Variants in IFI16 observed in about 807,000 individuals in gnomAD.
The protein encoded by IFI16 is interferon gamma inducible protein 16, also known as gamma-interferon-inducible protein 16.
A neutral mutation model predicts 68.4 loss-of-function variants in IFI16; 49 were observed. The observed-to-expected ratio is 0.72, with a 90% CI of 0.57 to 0.91. IFI16 has a LOEUF of 0.91. IFI16 is among the 40% of genes least tolerant of loss of function. The probability of loss-of-function intolerance (pLI) is 0.00; values close to 1 mark genes in which losing one functional copy is unlikely to be tolerated. For synonymous variants in IFI16, 307 were observed against 315.0 expected (o/e 0.97, Z 0.27); for missense variants, 878 against 942.9 (o/e 0.93, Z 0.90).
chr1:159,016,129 T>C, intron 3 of IFI16, 142 bp downstream of exon 3: 1 of 632,566 alleles, frequency 1.6e-6, no homozygotes, highest in South Asian at 2.0e-5. Context: ...TGATAATTGA[T>C]CATCTTATTG....
intron 6 of IFI16, among the ~76,000 whole-genome samples, chr1:159,030,341 G>C (rs1407124101): frequency 1.3e-5 from 2 of 152,182 alleles, no homozygotes; most frequent in Non-Finnish European, 2.9e-5. Context: ...TGGTAAGGTA[G>C]TGTGATCTTT....
At position 159,045,565 on chromosome 1, in the gene IFI16, T is replaced by G. The variant is rs539274000; in HGVS notation, c.1497+101T>G. The G allele has an allele frequency of 1.1e-5, 14 of 1,280,878 alleles. No individual in the cohort carries two copies. The East Asian group carries it at 3.3e-4, about 30-fold the overall frequency. The allele number at this position is 1,280,878 out of a possible 1,614,324, so 79.3% of individuals were successfully genotyped here. A position where few individuals can be genotyped will look rare whatever the true frequency, so the allele number is the denominator to read the frequency against. ...CTCACCAATCCCCTACTACATACAA[T>G]GCTTTAATTTAACCAAATCAGTCAT... On this transcript the variant is annotated intron_variant, in intron 8 of 11. Coordinates refer to ENST00000295809, the MANE Select transcript of IFI16 (RefSeq NM_001376587.1).
At chr1:159,002,084 G>A (rs1571814148), upstream of IFI16, among the ~76,000 whole-genome samples, 1 of 152,142 alleles carries the variant, frequency 6.6e-6, no homozygotes, top group East Asian at 1.9e-4. Flanking sequence ...CTATCTCCAG[G>A]TTGTAAATAC....
chr1:159,054,257 A>G (rs1378355175), intron 11 of IFI16, among the ~76,000 whole-genome samples: 1 of 152,224 alleles, frequency 6.6e-6, no homozygotes, highest in Non-Finnish European at 1.5e-5. Context: ...AGCTGGGTCT[A>G]CATAACAAAG....
chr1:159,052,706 T>TA (rs1415453449), intron 10 of IFI16: 2 of 147,238 alleles, frequency 1.4e-5, no homozygotes, highest in South Asian at 4.3e-4. Context: ...GCAAAAAGAC[T>TA]AAAAAAGTCA....
At chr1:159,049,758 C>T (rs950263369) in intron 9 of IFI16, among the ~76,000 whole-genome samples, 159 bp downstream of exon 9, 18 of 152,184 alleles carry the variant, frequency 1.2e-4, no homozygotes, top group Non-Finnish European at 2.2e-4. Context: ...GAGGTCCTAT[C>T]CAAAATTAAA....
At chr1:159,053,295 T>A in intron 10 of IFI16, 1 of 356,396 alleles carries the variant, frequency 2.8e-6, no homozygotes. Flanking sequence ...AGTAATCAAT[T>A]TTTTTTCCTA....
chr1:159,027,068 T>C (rs1311222772), intron 6 of IFI16, among the ~76,000 whole-genome samples: 1 of 152,228 alleles, frequency 6.6e-6, no homozygotes, highest in African/African-American at 2.4e-5. Context: ...CTATGTTGAA[T>C]AGAAGTGGTG....
chr1:159,012,695 A>T (rs1193526482), intron 1 of IFI16, among the ~76,000 whole-genome samples: 1 of 152,172 alleles, frequency 6.6e-6, no homozygotes, highest in Non-Finnish European at 1.5e-5. Context: ...CGGATTGGCT[A>T]CTGCTTTAAA....
intron 6 of IFI16, among the ~76,000 whole-genome samples, chr1:159,025,555 C>T (rs1269218364): frequency 6.6e-6 from 1 of 151,890 alleles, no homozygotes; most frequent in Non-Finnish European, 1.5e-5. Context: ...TGCTTGAGTT[C>T]CTCATAGATT....
intron 5 of IFI16, among the ~76,000 whole-genome samples, chr1:159,019,888 CA>C (rs1653193134): frequency 6.6e-6 from 1 of 152,164 alleles, no homozygotes; most frequent in Non-Finnish European, 1.5e-5. Flanking sequence ...GGAAGAGACT[CA>C]GTAAATGCAG....
intron 7 of IFI16, among the ~76,000 whole-genome samples, chr1:159,037,286 C>T (rs1268841986): frequency 3.3e-5 from 5 of 152,196 alleles, no homozygotes; most frequent in African/African-American, 7.2e-5. Context: ...AGGCACGTGT[C>T]TCCATGGCCG....
In IFI16 at chr1:159,049,368, G is replaced by T. The variant is rs1655199713; in HGVS notation, c.1498-64G>T. The T allele has an allele frequency of 8.9e-6, 7 of 787,790 alleles. No individual in the cohort carries two copies. In the East Asian group the frequency reaches 1.9e-4, roughly 21 times the overall value. 48.8% of individuals were successfully genotyped at this position (787,790 alleles called of 1,614,324 possible). The stretch of plus-strand genomic sequence containing the variant: ...TTTAAAAAAGAAAAAAGGAAAAGAT[G>T]TGTTTCATCTGATCTTGAAAAACAT... On this transcript the variant is annotated intron_variant, in intron 8 of 11. Coordinates refer to ENST00000295809, the MANE Select transcript of IFI16 (RefSeq NM_001376587.1).
At chr1:159,013,080 A>G (rs1487374969) in intron 1 of IFI16, among the ~76,000 whole-genome samples, 2 of 151,170 alleles carry the variant, frequency 1.3e-5, no homozygotes, top group African/African-American at 4.9e-5. Context: ...CAGTTTCACT[A>G]TAATGTGTTT....
At chr1:159,048,339 C>G (rs1031373250) in intron 8 of IFI16, among the ~76,000 whole-genome samples, 3 of 151,438 alleles carry the variant, frequency 2.0e-5, no homozygotes, top group Non-Finnish European at 4.4e-5. Context: ...GCTAGTCCCA[C>G]TTCACATGTG....
At chr1:159,029,073 G>T (rs1226923013) in intron 6 of IFI16, among the ~76,000 whole-genome samples, 1 of 152,076 alleles carries the variant, frequency 6.6e-6, no homozygotes, top group Non-Finnish European at 1.5e-5. Flanking sequence ...CTGTGTTATT[G>T]TTTTATAAGT....
At chr1:159,020,611 T>G in intron 6 of IFI16, 82 bp downstream of exon 6, 1 of 1,008,066 alleles carries the variant, frequency 9.9e-7, no homozygotes, top group Non-Finnish European at 1.5e-6. Flanking sequence ...GTTTGTAGGT[T>G]TTTTTTACAG....
At chr1:159,016,221 G>C (rs1347246292) in intron 3 of IFI16, among the ~76,000 whole-genome samples, 1 of 152,210 alleles carries the variant, frequency 6.6e-6, no homozygotes. Flanking sequence ...CATTCTAGTA[G>C]AGTGGAGTGT....
intron 11 of IFI16, 88 bp from the exon 12 acceptor site, chr1:159,054,733 A>G: frequency 3.0e-6 from 2 of 660,650 alleles, no homozygotes; most frequent in East Asian, 2.7e-5. Context: ...GATATGGTGC[A>G]GGGGGAGGAG....
Sources: gnomAD v4.1 joint callset for allele counts (sites outside exome capture counted in the v4.1 genomes callset) on GRCh38, gnomAD v4.1.1 for gene constraint, MANE v1.5 for transcripts, NCBI Gene and HGNC (gene_info 2026-07-23, HGNC 2026-07-21) for gene names.